PRDM6: variants seen among roughly 807,000 people sequenced by gnomAD.
PRDM6 encodes the protein PR/SET domain 6.
Under a neutral mutation model 60.8 loss-of-function variants are expected in PRDM6, and 25 were observed. That is an observed-to-expected ratio of 0.41 (90% CI 0.30 to 0.57). PRDM6 has a LOEUF of 0.57. PRDM6 is among the 20% of genes least tolerant of loss of function. The pLI is 0.27. For missense variants in PRDM6, 839 were observed against 821.3 expected (o/e 1.02, Z -0.26); for synonymous variants, 407 against 357.4 (o/e 1.14, Z -1.57).
chr5:123,193,495 C>T lies in PRDM6; in HGVS notation c.*6294C>T, dbSNP rs966990721. 1 of 152,152 alleles carries T rather than the reference C, an allele frequency of 6.6e-6. No individual in the cohort carries two copies. Among genetic ancestry groups the T allele is most frequent in the African/African-American group, 2.4e-5 (1 of 41,434 alleles). The allele number at this position is 152,152 out of a possible 1,614,324, so 9.4% of individuals were successfully genotyped here. ...TGTAGACTTACTTTCTCTGAACAAT[C>T]TAGTACACTTCTCTAGTTTCTCCCA... On this transcript the variant is annotated 3_prime_UTR_variant, in exon 8 of 8. Coordinates refer to ENST00000407847, the MANE Select transcript of PRDM6 (RefSeq NM_001136239.4).
chr5:123,192,247 C>T lies in PRDM6; in HGVS notation c.*5046C>T, dbSNP rs1766447700. The T allele has an allele frequency of 6.6e-6, 1 of 152,206 alleles. No homozygotes were observed. The highest frequency in any genetic ancestry group is 2.1e-4 in the South Asian group (1 of 4,832). The allele number at this position is 152,206 out of a possible 1,614,324, so 9.4% of individuals were successfully genotyped here. A position where few individuals can be genotyped will look rare whatever the true frequency, so the allele number is the denominator to read the frequency against. On this transcript the variant is annotated 3_prime_UTR_variant, in exon 8 of 8. Coordinates refer to ENST00000407847, the MANE Select transcript of PRDM6 (RefSeq NM_001136239.4). ...GATTATCTCTTTTAATCCTTAGTAA[C>T]TCTATAACAAAGATACTATCATTAT...
intron 3 of PRDM6, among the ~76,000 whole-genome samples, chr5:123,109,225 T>A (rs1057163898): frequency 2.6e-5 from 4 of 152,164 alleles, no homozygotes; most frequent in Non-Finnish European, 4.4e-5. Flanking sequence ...TTTGAAATGC[T>A]TTTTAAGGTA....
chr5:123,094,432 T>TTCTCTCTCTCTCTCTCTCTCTC lies in PRDM6; in HGVS notation c.592+3831_592+3852dup, dbSNP rs3037346. On this transcript the variant is annotated intron_variant, in intron 2 of 7. Coordinates refer to ENST00000407847, the MANE Select transcript of PRDM6 (RefSeq NM_001136239.4). ...GGCTTCAGTGCGTGGGCTTTTGTGT[T>TTCTCTCTCTCTCTCTCTCTCTC]TCTCTCTCTCTCTCTCTCTCTCTCT... Among the ~76,000 whole-genome samples, 86 of 148,046 alleles carry TTCTCTCTCTCTCTCTCTCTCTC rather than the reference T, an allele frequency of 5.8e-4. 2 individuals are homozygous for TTCTCTCTCTCTCTCTCTCTCTC. Among genetic ancestry groups the TTCTCTCTCTCTCTCTCTCTCTC allele is most frequent in the Non-Finnish European group, 9.7e-4 (65 of 66,884 alleles).
At chr5:123,149,117 C>G (rs748810807) in intron 3 of PRDM6, among the ~76,000 whole-genome samples, 3 of 152,188 alleles carry the variant, frequency 2.0e-5, no homozygotes, top group Non-Finnish European at 4.4e-5. Context: ...GAGGCAGATG[C>G]TTTCACTTAT....
rs373679882 is a variant in PRDM6, at chr5:123,156,875, CCTT to C, written c.1028+870_1028+872del. Among the ~76,000 whole-genome samples the C allele has an allele frequency of 6.6e-4, 101 of 152,250 alleles. 1 individual carries two copies. Among genetic ancestry groups the C allele is most frequent in the African/African-American group, 2.4e-3 (99 of 41,536 alleles). On this transcript the variant is annotated intron_variant, in intron 4 of 7. Transcript: ENST00000407847. The stretch of plus-strand genomic sequence containing the variant: ...ATAGGAAAAAAGCCCCACCACTAAG[CCTT>C]CTTCTCTCAAAATCCCTCGAAAACG...
intron 1 of PRDM6, 138 bp downstream of exon 1, chr5:123,089,657 C>T (rs1412807104): frequency 1.2e-5 from 3 of 247,062 alleles, no homozygotes; most frequent in East Asian, 1.9e-4. Context: ...CGCTGCGCCA[C>T]GCCGGCTCGG....
intron 3 of PRDM6, among the ~76,000 whole-genome samples, chr5:123,128,442 C>G (rs920107575): frequency 6.6e-6 from 1 of 152,166 alleles, no homozygotes; most frequent in Admixed American, 6.5e-5. Flanking sequence ...TGTTTCCTGA[C>G]TTTTTAATGA....
chr5:123,124,850 A>T (rs1044301665), intron 3 of PRDM6, among the ~76,000 whole-genome samples: 4 of 151,816 alleles, frequency 2.6e-5, no homozygotes, highest in Non-Finnish European at 4.4e-5. Context: ...CAAACTCTGT[A>T]TTTTTTTTCT....
chr5:123,147,925 G>A (rs1765284286), intron 3 of PRDM6, among the ~76,000 whole-genome samples: 1 of 152,218 alleles, frequency 6.6e-6, no homozygotes, highest in Non-Finnish European at 1.5e-5. Context: ...GTTCTCAGGA[G>A]TGCCTGAGTC....
At position 123,155,875 on chromosome 5, in the gene PRDM6, C is replaced by A. The variant is rs761244900; in HGVS notation, c.901-9C>A. The A allele has an allele frequency of 6.5e-7, 1 of 1,549,986 alleles. No homozygotes were observed. The highest frequency in any genetic ancestry group is 1.2e-5 in the South Asian group (1 of 83,606). On this transcript the variant is annotated splice_polypyrimidine_tract_variant and intron_variant, in intron 3 of 7. Coordinates refer to ENST00000407847, the MANE Select transcript of PRDM6 (RefSeq NM_001136239.4). The stretch of plus-strand genomic sequence containing the variant: ...TTCTAACTACTTGACCTTCTGACCT[C>A]TTCTCCAGATATATGACCAGGATGG...
intron 5 of PRDM6, among the ~76,000 whole-genome samples, chr5:123,161,453 G>A (rs559899280): frequency 1.2e-4 from 19 of 152,230 alleles, no homozygotes; most frequent in African/African-American, 4.6e-4. Context: ...GGGGTAAAGA[G>A]GTGCCAGGAG....
intron 5 of PRDM6, among the ~76,000 whole-genome samples, chr5:123,167,279 C>T (rs1267599356): frequency 6.6e-6 from 1 of 152,074 alleles, no homozygotes; most frequent in African/African-American, 2.4e-5. Context: ...TAAATTTCTA[C>T]CCATTAATCA....
intron 3 of PRDM6, among the ~76,000 whole-genome samples, chr5:123,119,894 A>G (rs1463398415): frequency 6.6e-6 from 1 of 152,234 alleles, no homozygotes; most frequent in Non-Finnish European, 1.5e-5. Context: ...CTACCAAGTT[A>G]AGTCAAGTCA....
At chr5:123,170,195 A>G (rs1436965958) in intron 5 of PRDM6, among the ~76,000 whole-genome samples, 2 of 152,082 alleles carry the variant, frequency 1.3e-5, no homozygotes, top group Admixed American at 6.6e-5. Context: ...CCCTTACTGC[A>G]TGCGACACTC....
intron 3 of PRDM6, among the ~76,000 whole-genome samples, chr5:123,145,241 A>G (rs1244492968): frequency 3.3e-5 from 5 of 152,140 alleles, no homozygotes; most frequent in African/African-American, 4.8e-5. Context: ...CAAATATCCA[A>G]AGGTTGGATG....
intron 3 of PRDM6, among the ~76,000 whole-genome samples, chr5:123,104,408 A>G (rs1340946375): frequency 2.6e-5 from 4 of 152,124 alleles, no homozygotes; most frequent in African/African-American, 4.8e-5. Context: ...ATCATTTTCA[A>G]TTAAATTAGA....
intron 7 of PRDM6, among the ~76,000 whole-genome samples, chr5:123,186,617 C>T (rs1322589558): frequency 2.6e-5 from 4 of 152,202 alleles, no homozygotes; most frequent in Non-Finnish European, 5.9e-5. Flanking sequence ...CATATTGCTT[C>T]CTCTAGTTTC....
chr5:123,094,653 A>C (rs1763918332), intron 2 of PRDM6, among the ~76,000 whole-genome samples: 1 of 152,148 alleles, frequency 6.6e-6, no homozygotes, highest in Non-Finnish European at 1.5e-5. Flanking sequence ...CCAGGAGATG[A>C]AGGATGAGGG....
At chr5:123,095,540 C>A (rs889867416) in intron 2 of PRDM6, among the ~76,000 whole-genome samples, 2 of 152,242 alleles carry the variant, frequency 1.3e-5, no homozygotes, top group African/African-American at 2.4e-5. Flanking sequence ...TGCCAGCAGG[C>A]GGCACTCCCG....
Sources: allele counts gnomAD v4.1 joint callset (sites outside exome capture counted in the v4.1 genomes callset), GRCh38; gene constraint gnomAD v4.1.1; transcripts MANE v1.5; gene names NCBI Gene and HGNC (gene_info 2026-07-23, HGNC 2026-07-21).